Variants in KLHL1 observed in about 807,000 individuals in gnomAD.
KLHL1 encodes kelch-like protein 1.
In KLHL1, 47 loss-of-function variants were observed where a neutral mutation model predicts 77.7. That is an observed-to-expected ratio of 0.60 (90% confidence interval 0.48 to 0.77). The LOEUF is 0.77. KLHL1 is among the 30% of genes least tolerant of loss of function. KLHL1 has a pLI of 0.00. For missense variants in KLHL1, 925 were observed against 910.8 expected (o/e 1.02, Z -0.20); for synonymous variants, 360 against 325.2 (o/e 1.11, Z -1.15).
intron 6 of KLHL1, among the ~76,000 whole-genome samples, chr13:69,817,293 A>C (rs1361703956): frequency 6.6e-6 from 1 of 152,230 alleles, no homozygotes; most frequent in African/African-American, 2.4e-5. Flanking sequence ...ATTAGGTTCT[A>C]GTATTCCTGA....
intron 9 of KLHL1, among the ~76,000 whole-genome samples, chr13:69,714,970 C>T (rs1221655672): frequency 1.3e-5 from 2 of 152,086 alleles, no homozygotes; most frequent in African/African-American, 4.8e-5. Flanking sequence ...AATCCTTCTT[C>T]CTCAAAACAT....
chr13:69,831,147 T>A (rs1446326434), intron 6 of KLHL1, among the ~76,000 whole-genome samples: 1 of 147,790 alleles, frequency 6.8e-6, no homozygotes, highest in East Asian at 2.0e-4. Context: ...AATAGATAAG[T>A]AAAACAAAAA....
chr13:69,737,128 A>C (rs1873796765), intron 8 of KLHL1, among the ~76,000 whole-genome samples: 1 of 152,130 alleles, frequency 6.6e-6, no homozygotes, highest in Non-Finnish European at 1.5e-5. Flanking sequence ...GCAGTGAGGG[A>C]TTGTGCTACC....
intron 1 of KLHL1, among the ~76,000 whole-genome samples, chr13:70,105,960 T>C (rs1888044797): frequency 6.6e-6 from 1 of 150,676 alleles, no homozygotes; most frequent in South Asian, 2.1e-4. Context: ...TAGAATATGT[T>C]CAATCTCTGA....
intron 7 of KLHL1, among the ~76,000 whole-genome samples, chr13:69,793,721 C>G (rs57713566): frequency 0.23 from 35,469 of 151,882 alleles, 4,255 homozygotes; most frequent in South Asian, 0.32. Context: ...AGTTTCTGAA[C>G]GAGTAGAAAA....
chr13:69,732,260 A>G (rs962001087), intron 8 of KLHL1, among the ~76,000 whole-genome samples: 7 of 152,170 alleles, frequency 4.6e-5, no homozygotes, highest in African/African-American at 1.2e-4. Flanking sequence ...ATGTGCTAAA[A>G]TATATCTCAA....
At chr13:69,812,314 A>G (rs1877917871) in intron 6 of KLHL1, among the ~76,000 whole-genome samples, 1 of 152,182 alleles carries the variant, frequency 6.6e-6, no homozygotes, top group South Asian at 2.1e-4. Flanking sequence ...ACCTTATACA[A>G]AAATTAATTC....
chr13:69,775,995 C>CA (rs112106421), intron 7 of KLHL1, among the ~76,000 whole-genome samples: 35,904 of 144,586 alleles, frequency 0.25, 4,320 homozygotes, highest in South Asian at 0.32. Context: ...TACTAAAATA[C>CA]AAAAAAAAAA....
chr13:69,807,782 C>T (rs1382914044), intron 6 of KLHL1, among the ~76,000 whole-genome samples: 3 of 152,164 alleles, frequency 2.0e-5, no homozygotes, highest in Non-Finnish European at 1.5e-5. Context: ...TCTCCCATTA[C>T]AGGACTGGAG....
intron 7 of KLHL1, among the ~76,000 whole-genome samples, chr13:69,796,062 T>A (rs1877090284): frequency 6.6e-6 from 1 of 152,182 alleles, no homozygotes; most frequent in Non-Finnish European, 1.5e-5. Context: ...ACTGTACATA[T>A]CGTATGATCT....
chr13:69,732,820 A>G lies in KLHL1; in HGVS notation c.1802+7574T>C, dbSNP rs566326979. 3.3e-5 allele frequency among the ~76,000 whole-genome samples: 5 copies of G among 152,206 alleles called. No homozygotes were observed. The East Asian group carries it at 9.7e-4, about 29-fold the overall frequency. On this transcript the variant is annotated intron_variant, in intron 8 of 10. Transcript: ENST00000377844. ...AAGCCATTGGCGCCAGCAGATTGGC[A>G]TCTTCTTCTCAGAGCACTGGGTCCC...
chr13:69,899,972 AG>A (rs1030537272), intron 4 of KLHL1, among the ~76,000 whole-genome samples: 1 of 152,084 alleles, frequency 6.6e-6, no homozygotes, highest in African/African-American at 2.4e-5. Context: ...TAAAAATATG[AG>A]CTTTCCCTCA....
chr13:69,996,297 G>A (rs1301655794), intron 1 of KLHL1, among the ~76,000 whole-genome samples: 3 of 150,102 alleles, frequency 2.0e-5, no homozygotes, highest in South Asian at 2.1e-4. Flanking sequence ...GCGAGACTCC[G>A]TTTAAAAAAA....
At chr13:70,033,402 G>C (rs141316188) in intron 1 of KLHL1, among the ~76,000 whole-genome samples, 18,433 of 151,954 alleles carry the variant, frequency 0.12, 1,233 homozygotes, top group East Asian at 0.2. Context: ...CCATTCTCCT[G>C]CCTCAGCCTC....
chr13:70,034,933 G>C (rs1453297022), intron 1 of KLHL1, among the ~76,000 whole-genome samples: 1 of 152,056 alleles, frequency 6.6e-6, no homozygotes, highest in Non-Finnish European at 1.5e-5. Context: ...GAATTAAAAT[G>C]AAAAGAGTGT....
intron 1 of KLHL1, among the ~76,000 whole-genome samples, chr13:69,997,216 G>A (rs1398207745): frequency 6.6e-6 from 1 of 151,248 alleles, no homozygotes; most frequent in African/African-American, 2.4e-5. Flanking sequence ...GTGAGACTCT[G>A]TCTCAAAAAT....
At chr13:70,070,405 T>G (rs1026982637) in intron 1 of KLHL1, among the ~76,000 whole-genome samples, 3 of 151,910 alleles carry the variant, frequency 2.0e-5, no homozygotes, top group African/African-American at 7.3e-5. Context: ...AAGAATTACA[T>G]TGAACCTTCA....
At chr13:70,005,289 A>C (rs982952369) in intron 1 of KLHL1, among the ~76,000 whole-genome samples, 8 of 152,044 alleles carry the variant, frequency 5.3e-5, no homozygotes, top group African/African-American at 1.9e-4. Flanking sequence ...TATTTATCTT[A>C]CCAAATTAAA....
intron 7 of KLHL1, among the ~76,000 whole-genome samples, chr13:69,765,763 G>A (rs1414041133): frequency 6.6e-6 from 1 of 152,178 alleles, no homozygotes; most frequent in Non-Finnish European, 1.5e-5. Flanking sequence ...TAGAATTGAA[G>A]CAACCACCCA....
Sources: allele counts gnomAD v4.1 joint callset (sites outside exome capture counted in the v4.1 genomes callset), GRCh38; gene constraint gnomAD v4.1.1; transcripts MANE v1.5; gene names NCBI Gene and HGNC (gene_info 2026-07-23, HGNC 2026-07-21).